Variants in HEXA observed in about 807,000 individuals in gnomAD.
HEXA encodes hexosaminidase subunit alpha, also known as beta-hexosaminidase subunit alpha.
A neutral mutation model predicts 73.3 loss-of-function variants in HEXA; 54 were observed. The observed-to-expected ratio is 0.74, with a 90% CI of 0.59 to 0.92. HEXA has a LOEUF of 0.92. Among genes scored for constraint, HEXA ranks in the 40% least tolerant of loss-of-function variants. HEXA has a pLI of 0.00. For missense variants in HEXA, 649 were observed against 653.0 expected (o/e 0.99, Z 0.07); for synonymous variants, 230 against 246.9 (o/e 0.93, Z 0.64).
At chr15:72,347,981 G>T in intron 9 of HEXA, 67 bp downstream of exon 9, 1 of 1,151,030 alleles carries the variant, frequency 8.7e-7, no homozygotes, top group Non-Finnish European at 1.3e-6. Context: ...GCCTGACTCG[G>T]TATGGAAAGG....
intron 1 of HEXA, among the ~76,000 whole-genome samples, chr15:72,372,709 G>T (rs1038657708): frequency 3.9e-5 from 6 of 152,234 alleles, no homozygotes; most frequent in African/African-American, 1.2e-4. Flanking sequence ...TTAGCAACTG[G>T]TGGGACTAAC....
chr15:72,360,578 C>A (rs915001896), intron 1 of HEXA: 6 of 152,174 alleles, frequency 3.9e-5, no homozygotes, highest in African/African-American at 1.4e-4. Context: ...TTTCCCAAAG[C>A]CTTCAAATTA....
chr15:72,351,188 A>G lies in HEXA; in HGVS notation c.617T>C (p.Val206Ala), dbSNP rs2140324697. ...NKLNVFHWHLVDDPSFPYESF... is the reference protein window; with the variant it reads ...NKLNVFHWHLADDPSFPYESF... ...CTCATATGGGAAGGAAGGATCATCT[A>G]CCAGATGCCAGTGGAACACGTTCAA... Residue 206 changes from valine (V) to alanine (A), a missense_variant, in exon 6 of 14, where the codon GTA becomes GCA. Physicochemically the swap from Val to Ala is moderately conservative, Grantham distance 64. Transcript: ENST00000268097. The G allele has an allele frequency of 6.2e-7, 1 of 1,613,418 alleles. No homozygotes were observed.
rs188410016 is a variant in HEXA at position 72,364,442 on chromosome 15, C to T, written c.254-7825G>A. Among the ~76,000 whole-genome samples, 241 of 152,158 alleles carry T rather than the reference C, an allele frequency of 1.6e-3. 1 individual carries two copies. Among genetic ancestry groups the T allele is most frequent in the African/African-American group, 5.7e-3 (236 of 41,518 alleles). ...AATATAATTCCAATGATGAGATATA[C>T]ATTAACTTACCTAACTTCTCTTCTG... On this transcript the variant is annotated intron_variant, in intron 1 of 13. Transcript: ENST00000268097.
At position 72,356,399 on chromosome 15, in the gene HEXA, G is replaced by A. The variant is rs189217224; in HGVS notation, c.346+126C>T. On this transcript the variant is annotated intron_variant, in intron 2 of 13. Coordinates refer to ENST00000268097, the MANE Select transcript of HEXA (RefSeq NM_000520.6). ...TCTTCCATGGCTCTCAGCACTTGGT[G>A]ACCCTCGGTCCCCAGGGTCAAGGGG... 3,645 of 960,826 alleles carry A rather than the reference G, an allele frequency of 3.8e-3. 26 individuals are homozygous for A. The highest frequency in any genetic ancestry group is 4.3e-3 in the Non-Finnish European group (2,658 of 617,734). 59.5% of individuals were successfully genotyped at this position (960,826 alleles called of 1,614,324 possible). A position where few individuals can be genotyped will look rare whatever the true frequency, so the allele number is the denominator to read the frequency against.
intron 1 of HEXA, chr15:72,358,594 C>T (rs538646290): frequency 6.6e-6 from 1 of 152,288 alleles, no homozygotes; most frequent in South Asian, 2.1e-4. Flanking sequence ...CAGAACAATG[C>T]CCCTAATTTA....
chr15:72,363,071 CT>C (rs1324152525), intron 1 of HEXA, among the ~76,000 whole-genome samples: 1 of 152,202 alleles, frequency 6.6e-6, no homozygotes, highest in East Asian at 1.9e-4. Context: ...CCACTTTCTT[CT>C]CTTCCCCCTC....
chr15:72,362,704 G>A (rs536658812), intron 1 of HEXA, among the ~76,000 whole-genome samples: 2 of 152,104 alleles, frequency 1.3e-5, no homozygotes, highest in African/African-American at 2.4e-5. Flanking sequence ...TAAGATTTAG[G>A]TCTTTCCACT....
chr15:72,350,588 G>C lies in HEXA; in HGVS notation c.735C>G (p.Tyr245Ter). ...TAQDVKEVIE[Y>*]ARLRGIRVLA... ...GCACACGGATACCCCGGAGCCGTGC[G>C]TATTCAATGACCTCCTTCACATCCT... Residue 245 changes from tyrosine (Y) to a stop codon, truncating the protein, a stop_gained, in exon 7 of 14, where the codon TAC becomes TAG. Coordinates refer to ENST00000268097, the MANE Select transcript of HEXA (RefSeq NM_000520.6). LOFTEE classifies it high-confidence loss of function. The C allele has an allele frequency of 6.2e-7, 1 of 1,614,096 alleles. No homozygotes were observed. The highest frequency in any genetic ancestry group is 1.1e-5 in the South Asian group (1 of 91,070).
At chr15:72,346,985 G>A (rs964340537) in intron 10 of HEXA, among the ~76,000 whole-genome samples, 1 of 151,840 alleles carries the variant, frequency 6.6e-6, no homozygotes, top group African/African-American at 2.4e-5. Context: ...GCTGAGGGAG[G>A]CAAGCAGTGG....
intron 1 of HEXA, among the ~76,000 whole-genome samples, chr15:72,365,787 A>G (rs2088908369): frequency 1.3e-5 from 2 of 152,228 alleles, no homozygotes; most frequent in Non-Finnish European, 2.9e-5. Flanking sequence ...TTGATCATAT[A>G]TTAAATTCCC....
chr15:72,374,911 A>G (rs1364468227), intron 1 of HEXA, among the ~76,000 whole-genome samples: 1 of 152,034 alleles, frequency 6.6e-6, no homozygotes. Context: ...TTTGAACTCA[A>G]TCATAATTCT....
At chr15:72,375,235 C>T (rs1248274577) in intron 1 of HEXA, among the ~76,000 whole-genome samples, 1 of 152,008 alleles carries the variant, frequency 6.6e-6, no homozygotes, top group African/African-American at 2.4e-5. Flanking sequence ...ACTACAGGCG[C>T]GCGCCGCCAC....
intron 1 of HEXA, among the ~76,000 whole-genome samples, chr15:72,364,075 C>A (rs2088886646): frequency 6.6e-6 from 1 of 152,000 alleles, no homozygotes; most frequent in Non-Finnish European, 1.5e-5. Context: ...CTTCAAGGTT[C>A]GCCAGTCAAC....
chr15:72,358,982 G>C (rs1188000027), intron 1 of HEXA: 1 of 152,490 alleles, frequency 6.6e-6, no homozygotes, highest in Non-Finnish European at 1.5e-5. Context: ...CGTGTGGGAA[G>C]CACAGTATGG....
In HEXA at chr15:72,347,678, C is replaced by T. The variant is rs201453018; in HGVS notation, c.1146+8G>A. On this transcript the variant is annotated splice_region_variant and intron_variant, in intron 10 of 13. Transcript: ENST00000268097. The stretch of plus-strand genomic sequence containing the variant: ...TGGTGGCTTCTTCTCTTCTCTGCCC[C>T]GGCTCACCTTTACTTTATTATCAAA... The T allele has an allele frequency of 3.0e-4, 484 of 1,613,310 alleles. 2 individuals carry two copies. In the African/African-American group the frequency reaches 5.5e-3, roughly 18 times the overall value.
intron 8 of HEXA, among the ~76,000 whole-genome samples, chr15:72,348,410 C>T (rs1054827398): frequency 2.0e-5 from 3 of 152,234 alleles, no homozygotes; most frequent in Non-Finnish European, 1.5e-5. Context: ...TGGACTGCAA[C>T]ATGAGAATCC....
In HEXA at chr15:72,373,725, G is replaced by A. The variant is rs556615046; in HGVS notation, c.253+1995C>T. On this transcript the variant is annotated intron_variant, in intron 1 of 13. Coordinates refer to ENST00000268097, the MANE Select transcript of HEXA (RefSeq NM_000520.6). Reference sequence around the variant, plus strand: ...TAGAAGTATAGGAATTAGGTATGGCGCGGTGGCTCATGCCTGTAATCTCAG... The same window carrying A: ...TAGAAGTATAGGAATTAGGTATGGCACGGTGGCTCATGCCTGTAATCTCAG... Among the ~76,000 whole-genome samples the A allele has an allele frequency of 4.6e-5, 7 of 152,228 alleles. No homozygotes were observed. In the South Asian group the frequency reaches 8.3e-4, roughly 18 times the overall value.
intron 7 of HEXA, among the ~76,000 whole-genome samples, chr15:72,349,745 A>G (rs1473686011): frequency 6.6e-6 from 1 of 152,110 alleles, no homozygotes; most frequent in East Asian, 1.9e-4. Context: ...AGATATCTTC[A>G]GGGTTTTTTT....
Sources: gnomAD v4.1 joint callset for allele counts (sites outside exome capture counted in the v4.1 genomes callset) on GRCh38, gnomAD v4.1.1 for gene constraint, MANE v1.5 for transcripts, NCBI Gene and HGNC (gene_info 2026-07-23, HGNC 2026-07-21) for gene names.